PPP3CA: variants seen among roughly 807,000 people sequenced by gnomAD.
The protein encoded by PPP3CA is CAM-PRP catalytic subunit.
A neutral mutation model predicts 66.5 loss-of-function variants in PPP3CA; 14 were observed. The observed-to-expected ratio is 0.21, with a 90% CI of 0.14 to 0.33. The LOEUF (loss-of-function observed/expected upper bound fraction) is 0.33. PPP3CA is among the 10% of genes least tolerant of loss of function. PPP3CA has a pLI of 1.00. For synonymous variants in PPP3CA, 232 were observed against 226.2 expected, an observed-to-expected ratio of 1.03 and a Z score of -0.23; for missense variants, 317 against 639.5, an observed-to-expected ratio of 0.50 and a Z score of 5.44.
chr4:101,190,963 T>C lies in PPP3CA; in HGVS notation c.259+4953A>G, dbSNP rs567150150. Among the ~76,000 whole-genome samples, 3 of 152,330 alleles carry C rather than the reference T, an allele frequency of 2.0e-5. No homozygotes were observed. The East Asian group carries it at 5.8e-4, about 29-fold the overall frequency. On this transcript the variant is annotated intron_variant, in intron 2 of 13. Transcript: ENST00000394854. ...AGTCACGGGAACAAAAGCCCAAGAC[T>C]TTAACCCTACAATGCAGAAGTAGAA...
chr4:101,203,954 A>T (rs1042010782), intron 1 of PPP3CA, among the ~76,000 whole-genome samples: 2 of 152,200 alleles, frequency 1.3e-5, no homozygotes, highest in Non-Finnish European at 2.9e-5. Context: ...AGTTTAAATA[A>T]AAGCTGATTT....
chr4:101,195,305 G>A (rs1293185127), intron 2 of PPP3CA, among the ~76,000 whole-genome samples: 1 of 151,024 alleles, frequency 6.6e-6, no homozygotes, highest in Non-Finnish European at 1.5e-5. Context: ...GGGACAAAAT[G>A]CTACGGGCAA....
intron 1 of PPP3CA, among the ~76,000 whole-genome samples, chr4:101,215,846 AT>A (rs1725435995): frequency 1.3e-5 from 2 of 152,114 alleles, no homozygotes; most frequent in Admixed American, 6.6e-5. Context: ...ATTTTTCCAT[AT>A]AGTATAAAGA....
intron 6 of PPP3CA, among the ~76,000 whole-genome samples, chr4:101,090,870 CTGTGTCT>C (rs1729895556): frequency 7.3e-6 from 1 of 136,610 alleles, no homozygotes; most frequent in African/African-American, 2.8e-5. Flanking sequence ...ACACACATAT[CTGTGTCT>C]ATATTATAAT....
intron 2 of PPP3CA, among the ~76,000 whole-genome samples, chr4:101,121,463 C>T (rs984564234): frequency 1.3e-5 from 2 of 152,022 alleles, no homozygotes; most frequent in Admixed American, 1.3e-4. Context: ...AATCCTAAAT[C>T]TCTTATTAGT....
At chr4:101,119,959 T>A (rs1049896674) in intron 2 of PPP3CA, among the ~76,000 whole-genome samples, 1 of 152,134 alleles carries the variant, frequency 6.6e-6, no homozygotes, top group Non-Finnish European at 1.5e-5. Context: ...GCAGCATATT[T>A]GGAAATTAAA....
At chr4:101,035,798 C>T (rs1247858851) in intron 11 of PPP3CA, among the ~76,000 whole-genome samples, 2 of 152,188 alleles carry the variant, frequency 1.3e-5, no homozygotes, top group Non-Finnish European at 2.9e-5. Context: ...ACTATCTCTG[C>T]TGAATTCTCA....
At chr4:101,094,966 T>C (rs1242595631) in intron 5 of PPP3CA, among the ~76,000 whole-genome samples, 1 of 152,078 alleles carries the variant, frequency 6.6e-6, no homozygotes, top group Admixed American at 6.5e-5. Flanking sequence ...TGCTTACAAC[T>C]AATCAAATTG....
chr4:101,155,028 G>C (rs1439794489), intron 2 of PPP3CA, among the ~76,000 whole-genome samples: 1 of 151,974 alleles, frequency 6.6e-6, no homozygotes, highest in Non-Finnish European at 1.5e-5. Flanking sequence ...TGTTGGCCAG[G>C]ATGTTCTCAA....
chr4:101,028,734 T>A (rs74470675), intron 13 of PPP3CA, among the ~76,000 whole-genome samples: 9,831 of 152,212 alleles, frequency 0.065, 352 homozygotes, highest in African/African-American at 0.096. Context: ...AAATGAACAT[T>A]TTTTTCCTTT....
At chr4:101,303,389 GTAT>G (rs1208521062) in intron 1 of PPP3CA, among the ~76,000 whole-genome samples, 5 of 151,822 alleles carry the variant, frequency 3.3e-5, no homozygotes, top group African/African-American at 9.7e-5. Context: ...ATGCATTTTT[GTAT>G]TTTTTTCAGC....
intron 1 of PPP3CA, among the ~76,000 whole-genome samples, chr4:101,209,075 T>G (rs1471395057): frequency 6.6e-6 from 1 of 152,164 alleles, no homozygotes; most frequent in Non-Finnish European, 1.5e-5. Context: ...CAAAACAAAC[T>G]GTTCAATAGC....
chr4:101,323,378 G>A (rs1729101042), intron 1 of PPP3CA, among the ~76,000 whole-genome samples: 1 of 152,208 alleles, frequency 6.6e-6, no homozygotes, highest in South Asian at 2.1e-4. Context: ...GACTCTTATG[G>A]AAGGAATCTG....
chr4:101,161,729 G>C (rs566213625), intron 2 of PPP3CA, among the ~76,000 whole-genome samples: 1 of 152,224 alleles, frequency 6.6e-6, no homozygotes, highest in South Asian at 2.1e-4. Context: ...GCAAATTTCA[G>C]AAGAATACAG....
intron 3 of PPP3CA, among the ~76,000 whole-genome samples, chr4:101,105,169 T>C (rs1186725431): frequency 2.1e-5 from 3 of 139,726 alleles, no homozygotes; most frequent in African/African-American, 8.6e-5. Context: ...TTTTTTTTCC[T>C]TTTTTTTTTT....
chr4:101,138,684 C>A (rs1722700135), intron 2 of PPP3CA, among the ~76,000 whole-genome samples: 1 of 152,144 alleles, frequency 6.6e-6, no homozygotes, highest in Non-Finnish European at 1.5e-5. Flanking sequence ...TAGGGATGCT[C>A]CCCTGTATAA....
At position 101,130,401 on chromosome 4, in the gene PPP3CA, C is replaced by T. The variant is rs1028301382; in HGVS notation, c.260-21323G>A. On this transcript the variant is annotated intron_variant, in intron 2 of 13. Coordinates refer to ENST00000394854, the MANE Select transcript of PPP3CA (RefSeq NM_000944.5). Reference sequence around the variant, plus strand: ...ATCCAAATTCAGGAAACACAGAGAGCACCACAAAGATACTCCTTGAGAAGA... The same window carrying T: ...ATCCAAATTCAGGAAACACAGAGAGTACCACAAAGATACTCCTTGAGAAGA... Among the ~76,000 whole-genome samples the T allele has an allele frequency of 2.1e-4, 32 of 152,112 alleles. 1 individual carries two copies. Among genetic ancestry groups the T allele is most frequent in the Middle Eastern group, 3.2e-3 (1 of 316 alleles).
intron 10 of PPP3CA, among the ~76,000 whole-genome samples, chr4:101,044,853 A>G (rs1727689646): frequency 6.6e-6 from 1 of 152,218 alleles, no homozygotes; most frequent in Non-Finnish European, 1.5e-5. Context: ...AAGTTTTAAG[A>G]TATCTATGGC....
chr4:101,336,946 G>GT (rs1376845967), intron 1 of PPP3CA, among the ~76,000 whole-genome samples: 11 of 152,290 alleles, frequency 7.2e-5, no homozygotes, highest in Admixed American at 5.2e-4. Context: ...ATGAGCAAGT[G>GT]TAAGAGATCA....
Sources: allele counts gnomAD v4.1 joint callset (sites outside exome capture counted in the v4.1 genomes callset), GRCh38; gene constraint gnomAD v4.1.1; transcripts MANE v1.5; gene names NCBI Gene and HGNC (gene_info 2026-07-23, HGNC 2026-07-21).